KCNQ5: variants seen among roughly 807,000 people sequenced by gnomAD.
The protein encoded by KCNQ5 is potassium voltage-gated channel subfamily KQT member 5.
KCNQ5 carries 30 observed loss-of-function variants against 98.2 expected under a neutral mutation model. The ratio of observed to expected loss-of-function variants is 0.31; its 90% CI spans 0.23 to 0.41. The LOEUF (loss-of-function observed/expected upper bound fraction) is 0.41, where lower values mean the gene tolerates loss of function less well. KCNQ5 is among the 10% of genes least tolerant of loss of function. The pLI is 1.00. For synonymous variants in KCNQ5, 458 were observed against 449.4 expected (o/e 1.02, Z -0.24); for missense variants, 835 against 1,182.5 (o/e 0.71, Z 4.31).
intron 1 of KCNQ5, among the ~76,000 whole-genome samples, chr6:72,837,234 T>A (rs1218772545): frequency 4.6e-5 from 7 of 152,224 alleles, no homozygotes; most frequent in Non-Finnish European, 5.9e-5. Flanking sequence ...CTGCTATTTA[T>A]TGAACACTTA....
At chr6:72,754,829 T>C (rs1193664708) in intron 1 of KCNQ5, among the ~76,000 whole-genome samples, 1 of 152,182 alleles carries the variant, frequency 6.6e-6, no homozygotes, top group Non-Finnish European at 1.5e-5. Flanking sequence ...GTTGACAGTG[T>C]TGTTCAAATT....
In KCNQ5 at chr6:72,869,176, T is replaced by C. The variant is rs146456179; in HGVS notation, c.399-134732T>C. On this transcript the variant is annotated intron_variant, in intron 1 of 13. Coordinates refer to ENST00000370398, the MANE Select transcript of KCNQ5 (RefSeq NM_019842.4). ...AGAAAGAAACAATGTCAAGAGCCAC[T>C]TTCTGGTCAAGACTTAGTCTCTGAT... 5.3e-3 allele frequency among the ~76,000 whole-genome samples: 810 copies of C among 152,270 alleles called. 21 individuals are homozygous for C. In the South Asian group the frequency reaches 0.073, roughly 14 times the overall value.
At chr6:72,969,320 G>A (rs1767762633) in intron 1 of KCNQ5, among the ~76,000 whole-genome samples, 1 of 152,138 alleles carries the variant, frequency 6.6e-6, no homozygotes, top group Non-Finnish European at 1.5e-5. Context: ...ATTTATAAAT[G>A]TATACACATA....
chr6:73,044,725 C>G (rs552334251), intron 3 of KCNQ5, among the ~76,000 whole-genome samples: 1 of 152,288 alleles, frequency 6.6e-6, no homozygotes, highest in South Asian at 2.1e-4. Context: ...CTGTAGTCGC[C>G]TTGTTCAACC....
intron 2 of KCNQ5, among the ~76,000 whole-genome samples, chr6:73,025,364 G>A (rs1166755495): frequency 6.6e-6 from 1 of 152,204 alleles, no homozygotes; most frequent in African/African-American, 2.4e-5. Context: ...GCTCACGCCT[G>A]TAATCCCAGA....
chr6:72,829,682 T>C (rs942763233), intron 1 of KCNQ5, among the ~76,000 whole-genome samples: 1 of 152,070 alleles, frequency 6.6e-6, no homozygotes, highest in African/African-American at 2.4e-5. Flanking sequence ...GCCATAGAGG[T>C]TCTAGGAGAA....
chr6:72,981,627 T>C (rs1768456459), intron 1 of KCNQ5, among the ~76,000 whole-genome samples: 1 of 152,210 alleles, frequency 6.6e-6, no homozygotes, highest in South Asian at 2.1e-4. Flanking sequence ...TTCACTGATT[T>C]TTTTGAAGGG....
At chr6:72,761,230 T>C (rs1208395219) in intron 1 of KCNQ5, among the ~76,000 whole-genome samples, 3 of 152,108 alleles carry the variant, frequency 2.0e-5, no homozygotes, top group African/African-American at 7.2e-5. Flanking sequence ...TATAACACCT[T>C]TGGGGAAAGT....
intron 11 of KCNQ5, among the ~76,000 whole-genome samples, chr6:73,185,938 C>CT (rs1264883498): frequency 6.6e-6 from 1 of 152,092 alleles, no homozygotes; most frequent in African/African-American, 2.4e-5. Flanking sequence ...TCAAAAATAT[C>CT]TATGGGCCAA....
intron 3 of KCNQ5, among the ~76,000 whole-genome samples, chr6:73,058,305 G>T (rs575067994): frequency 1.3e-4 from 20 of 152,196 alleles, no homozygotes; most frequent in African/African-American, 4.8e-4. Context: ...CCAGCTACTC[G>T]GGAGGCTGAG....
At chr6:72,881,367 A>G (rs1038646174) in intron 1 of KCNQ5, among the ~76,000 whole-genome samples, 4 of 152,184 alleles carry the variant, frequency 2.6e-5, no homozygotes, top group African/African-American at 4.8e-5. Flanking sequence ...TTGGCCATAA[A>G]TGGTTTTAAG....
chr6:72,627,062 G>A (rs2098918312), intron 1 of KCNQ5, among the ~76,000 whole-genome samples: 1 of 152,182 alleles, frequency 6.6e-6, no homozygotes, highest in African/African-American at 2.4e-5. Flanking sequence ...TGGGAACATA[G>A]CAGTGAACAA....
chr6:72,707,352 T>C (rs899818812), intron 1 of KCNQ5, among the ~76,000 whole-genome samples: 5 of 152,212 alleles, frequency 3.3e-5, no homozygotes, highest in Non-Finnish European at 7.3e-5. Context: ...ATAGGGATGT[T>C]CTGTATGTGA....
intron 1 of KCNQ5, among the ~76,000 whole-genome samples, chr6:72,659,718 A>ATT (rs1766410922): frequency 1.3e-5 from 2 of 152,184 alleles, no homozygotes; most frequent in African/African-American, 4.8e-5. Context: ...TGCCCTCATG[A>ATT]CTTAATTACC....
At chr6:72,818,860 A>G (rs1775625328) in intron 1 of KCNQ5, among the ~76,000 whole-genome samples, 1 of 151,568 alleles carries the variant, frequency 6.6e-6, no homozygotes, top group Non-Finnish European at 1.5e-5. Context: ...TTAACAAAGA[A>G]TTAGTGTTTT....
At chr6:72,652,765 G>A (rs1429640452) in intron 1 of KCNQ5, among the ~76,000 whole-genome samples, 1 of 151,978 alleles carries the variant, frequency 6.6e-6, no homozygotes. Flanking sequence ...CTGTGCTAGT[G>A]AGGAAAGAAC....
rs1765630030 is a variant in KCNQ5, at chr6:73,192,586, A to G, written c.1731A>G (p.Lys577=). ...LQTRVDQILG[K]GQITSDKKSR... is the part of the protein sequence containing the mutation. Reference sequence around the variant, plus strand: ...ATAGTGTTGATCAAATTCTTGGAAAAGGGCAAATCACATCAGATAAGAAGA... The same window carrying G: ...ATAGTGTTGATCAAATTCTTGGAAAGGGGCAAATCACATCAGATAAGAAGA... Residue 577 remains lysine (K), a synonymous_variant, in exon 13 of 14, where the codon AAA becomes AAG. Coordinates refer to ENST00000370398, the MANE Select transcript of KCNQ5 (RefSeq NM_019842.4). 2 of 1,606,888 alleles carry G rather than the reference A, an allele frequency of 1.2e-6. No individual in the cohort carries two copies. The highest frequency in any genetic ancestry group is 8.5e-7 in the Non-Finnish European group (1 of 1,176,576).
chr6:72,949,195 TATAA>T (rs1766683430), intron 1 of KCNQ5, among the ~76,000 whole-genome samples: 1 of 152,222 alleles, frequency 6.6e-6, no homozygotes, highest in Non-Finnish European at 1.5e-5. Context: ...TACAGCATTA[TATAA>T]ATCATCTGCC....
chr6:72,756,364 A>C (rs1321531936), intron 1 of KCNQ5, among the ~76,000 whole-genome samples: 1 of 152,182 alleles, frequency 6.6e-6, no homozygotes, highest in Non-Finnish European at 1.5e-5. Context: ...CATTTACCAA[A>C]GTGGAACTCC....
Sources: gnomAD v4.1 joint callset for allele counts (sites outside exome capture counted in the v4.1 genomes callset) on GRCh38, gnomAD v4.1.1 for gene constraint, MANE v1.5 for transcripts, NCBI Gene and HGNC (gene_info 2026-07-23, HGNC 2026-07-21) for gene names.